The following FTO variants were observed in gnomAD, a reference collection of about 807,000 sequenced individuals.
FTO encodes the protein alpha-ketoglutarate-dependent dioxygenase FTO.
Under a neutral mutation model 63.9 loss-of-function variants are expected in FTO, and 47 were observed. That is an observed-to-expected ratio of 0.74 (90% CI 0.58 to 0.94). FTO has a LOEUF of 0.94. Among genes scored for constraint, FTO ranks in the 40% least tolerant of loss-of-function variants. The pLI is 0.00. For synonymous variants in FTO, 207 were observed against 224.4 expected (o/e 0.92, Z 0.69); for missense variants, 562 against 618.1 (o/e 0.91, Z 0.96).
At chr16:53,872,241 G>A (rs947805356) in intron 4 of FTO, among the ~76,000 whole-genome samples, 7 of 152,168 alleles carry the variant, frequency 4.6e-5, no homozygotes, top group Non-Finnish European at 1.0e-4. Context: ...CTGCATTCTG[G>A]TGCTTCTTTT....
chr16:54,110,675 A>G (rs556507649), intron 8 of FTO, among the ~76,000 whole-genome samples: 2 of 152,322 alleles, frequency 1.3e-5, no homozygotes, highest in African/African-American at 4.8e-5. Flanking sequence ...TGATCTCTTC[A>G]TAGTCAGTCC....
Position 53,806,701 on chromosome 16 carries a change from G to A in FTO, c.46-3439G>A, listed in dbSNP as rs146725116. Among the ~76,000 whole-genome samples, 128 of 152,278 alleles carry A rather than the reference G, an allele frequency of 8.4e-4. 3 individuals carry two copies. The East Asian group carries it at 0.023, about 27-fold the overall frequency. On this transcript the variant is annotated intron_variant, in intron 1 of 8. Coordinates refer to ENST00000471389, the MANE Select transcript of FTO (RefSeq NM_001080432.3). ...ATCATAAAATTCACCATTTTAAAGT[G>A]TACAGTTCAGTGGTTTTTAGTGTGA...
intron 8 of FTO, among the ~76,000 whole-genome samples, chr16:53,950,993 C>T (rs1002914892): frequency 3.9e-5 from 6 of 152,124 alleles, no homozygotes; most frequent in African/African-American, 9.7e-5. Context: ...TTTATTATAA[C>T]GAAGCTAATG....
intron 2 of FTO, among the ~76,000 whole-genome samples, chr16:53,821,735 C>T (rs1010124452): frequency 2.0e-5 from 3 of 152,242 alleles, no homozygotes; most frequent in Non-Finnish European, 2.9e-5. Context: ...TTTTCTTCTG[C>T]ATACTTCCTC....
intron 2 of FTO, among the ~76,000 whole-genome samples, chr16:53,816,183 A>G (rs1308955657): frequency 6.6e-6 from 1 of 152,132 alleles, no homozygotes; most frequent in Non-Finnish European, 1.5e-5. Context: ...TGAAGGCTTC[A>G]GAAAATCCCT....
rs1414523806 is a variant in FTO, at chr16:53,825,938, A to G, written c.198A>G (p.Gln66=). ...SVSEELHKEV[Q]EAFLTLHKHG... is the part of the protein sequence containing the mutation. The stretch of plus-strand genomic sequence containing the variant: ...CTGAGGAGCTCCATAAAGAGGTTCA[A>G]GAAGCCTTTCTCACACTGCACAAGC... The change falls in exon 3 of 9, where the codon CAA becomes CAG. Residue 66 remains glutamine (Q), a synonymous_variant. Transcript: ENST00000471389. 6.2e-7 allele frequency: 1 copy of G among 1,614,186 alleles called. No homozygotes were observed. The highest frequency in any genetic ancestry group is 1.7e-5 in the Admixed American group (1 of 60,024).
chr16:54,077,652 C>A (rs1330665665), intron 8 of FTO, among the ~76,000 whole-genome samples: 1 of 152,158 alleles, frequency 6.6e-6, no homozygotes, highest in African/African-American at 2.4e-5. Context: ...CCTGAGTCCC[C>A]TCAGTCAGGC....
rs1342562599 is a variant in FTO, at chr16:53,975,035, GTA to G, written c.1364+40936_1364+40937del. Among the ~76,000 whole-genome samples the G allele has an allele frequency of 2.0e-5, 3 of 151,908 alleles. No individual in the cohort carries two copies. The South Asian group carries it at 6.2e-4, about 32-fold the overall frequency. ...TAATACTAGAGATTTGTTTTTATAT[GTA>G]TATATATATTTCTATTTCTAAATTG... is the stretch of plus-strand genomic sequence containing the variant. On this transcript the variant is annotated intron_variant, in intron 8 of 8. Coordinates refer to ENST00000471389, the MANE Select transcript of FTO (RefSeq NM_001080432.3).
chr16:53,877,778 C>CA (rs1348424297), intron 5 of FTO, among the ~76,000 whole-genome samples: 1 of 151,084 alleles, frequency 6.6e-6, no homozygotes, highest in Non-Finnish European at 1.5e-5. Flanking sequence ...AGATTATTTA[C>CA]ATAAAACAAA....
At chr16:54,105,771 CTGTGTGTGTG>C (rs57782663) in intron 8 of FTO, among the ~76,000 whole-genome samples, 6,291 of 138,044 alleles carry the variant, frequency 0.046, 454 homozygotes, top group African/African-American at 0.15. Flanking sequence ...AAGTTCTAGT[CTGTGTGTGTG>C]TGTGTGTGTG....
At chr16:53,846,064 T>G (rs995008711) in intron 4 of FTO, among the ~76,000 whole-genome samples, 41 of 152,138 alleles carry the variant, frequency 2.7e-4, no homozygotes, top group Non-Finnish European at 1.2e-4. Flanking sequence ...GATTGTTCTT[T>G]TTTTAAGTGA....
At chr16:53,961,888 CACCGGGCACCT>C (rs2083089154) in intron 8 of FTO, among the ~76,000 whole-genome samples, 2 of 152,084 alleles carry the variant, frequency 1.3e-5, no homozygotes, top group African/African-American at 4.8e-5. Context: ...TAAGACTTCC[CACCGGGCACCT>C]TTGGAATCCA....
chr16:54,022,717 C>T (rs1026663840), intron 8 of FTO, among the ~76,000 whole-genome samples: 1 of 151,592 alleles, frequency 6.6e-6, no homozygotes, highest in African/African-American at 2.4e-5. Context: ...CAAGAGTTCA[C>T]AAAAAAAACC....
chr16:53,934,617 A>G (rs752888280), intron 8 of FTO, among the ~76,000 whole-genome samples: 2 of 152,116 alleles, frequency 1.3e-5, no homozygotes, highest in Non-Finnish European at 2.9e-5. Context: ...ATAGCCTACT[A>G]TACACCTAGG....
intron 8 of FTO, among the ~76,000 whole-genome samples, chr16:53,977,709 G>A (rs868465093): frequency 6.6e-6 from 1 of 152,112 alleles, no homozygotes. Context: ...AGCATGATGA[G>A]TATAAATATT....
intron 4 of FTO, among the ~76,000 whole-genome samples, chr16:53,852,571 G>A (rs968396180): frequency 6.6e-6 from 1 of 152,122 alleles, no homozygotes; most frequent in African/African-American, 2.4e-5. Flanking sequence ...AAATTAGAAA[G>A]CCAGTACATA....
intron 8 of FTO, among the ~76,000 whole-genome samples, chr16:53,976,127 TTCTA>T (rs1225372669): frequency 6.6e-6 from 1 of 152,232 alleles, no homozygotes; most frequent in Non-Finnish European, 1.5e-5. Flanking sequence ...CTTTCAGCTA[TTCTA>T]ATCAAATATA....
intron 1 of FTO, among the ~76,000 whole-genome samples, chr16:53,805,395 G>A (rs944369357): frequency 2.6e-5 from 4 of 151,410 alleles, no homozygotes; most frequent in East Asian, 1.9e-4. Context: ...CTTAGGGCTG[G>A]TGTAGTTTCT....
chr16:53,719,663 G>T (rs1567926248), intron 1 of FTO, among the ~76,000 whole-genome samples: 10 of 117,454 alleles, frequency 8.5e-5, no homozygotes, highest in East Asian at 2.6e-4. Flanking sequence ...ACAAGCTCTT[G>T]AATTTGTTTA....
Sources: gnomAD v4.1 joint callset for allele counts (sites outside exome capture counted in the v4.1 genomes callset) on GRCh38, gnomAD v4.1.1 for gene constraint, MANE v1.5 for transcripts, NCBI Gene and HGNC (gene_info 2026-07-23, HGNC 2026-07-21) for gene names.